Variants in GRM8 observed in about 807,000 individuals in gnomAD.
The protein encoded by GRM8 is glutamate metabotropic receptor 8.
GRM8 carries 47 observed loss-of-function variants against 87.2 expected under a neutral mutation model. The observed-to-expected ratio is 0.54, with a 90% CI of 0.43 to 0.69. The LOEUF (loss-of-function observed/expected upper bound fraction) is 0.69, where lower values mean the gene tolerates loss of function less well. Ranked by LOEUF, GRM8 falls within the 30% of genes least tolerant of loss-of-function variation. The pLI is 0.00. For synonymous variants in GRM8, 396 were observed against 404.5 expected, an observed-to-expected ratio of 0.98 and a Z score of 0.25; for missense variants, 1,019 against 1,139.2, an observed-to-expected ratio of 0.89 and a Z score of 1.52.
chr7:126,742,682 G>A (rs567116354), intron 7 of GRM8, among the ~76,000 whole-genome samples: 37 of 151,828 alleles, frequency 2.4e-4, no homozygotes, highest in South Asian at 1.7e-3. Context: ...ACTTACTCCC[G>A]TAAGACCTGA....
intron 6 of GRM8, among the ~76,000 whole-genome samples, chr7:126,863,186 G>C (rs1050815024): frequency 3.3e-5 from 5 of 151,988 alleles, no homozygotes; most frequent in African/African-American, 1.2e-4. Context: ...TTGTTTGATA[G>C]CTATTTAACT....
chr7:127,133,086 G>A (rs1305100634), intron 2 of GRM8, among the ~76,000 whole-genome samples: 2 of 152,170 alleles, frequency 1.3e-5, no homozygotes, highest in Non-Finnish European at 2.9e-5. Flanking sequence ...CTATAATTGT[G>A]CCTGTTCAGA....
chr7:127,229,211 T>C (rs1192316596), intron 2 of GRM8: 4 of 152,210 alleles, frequency 2.6e-5, no homozygotes, highest in Non-Finnish European at 5.9e-5. Context: ...TCCCAGCATG[T>C]GCTAAACCCA....
At chr7:126,684,632 C>A (rs971869561) in intron 7 of GRM8, among the ~76,000 whole-genome samples, 1 of 152,172 alleles carries the variant, frequency 6.6e-6, no homozygotes, top group African/African-American at 2.4e-5. Context: ...TTGCATCTCT[C>A]CAGCACAGTG....
At chr7:127,102,826 GCACTGC>G (rs968729358) in intron 3 of GRM8, among the ~76,000 whole-genome samples, 24 of 152,262 alleles carry the variant, frequency 1.6e-4, no homozygotes, top group Admixed American at 1.2e-3. Flanking sequence ...CCCAGTGGGG[GCACTGC>G]CAAATGGAGC....
chr7:126,774,647 T>A (rs2151621256), intron 6 of GRM8, among the ~76,000 whole-genome samples: 1 of 152,282 alleles, frequency 6.6e-6, no homozygotes, highest in South Asian at 2.1e-4. Context: ...CTTACTGGTC[T>A]AAGAAATATC....
chr7:126,498,037 C>T (rs548434676), intron 9 of GRM8, among the ~76,000 whole-genome samples: 108 of 151,972 alleles, frequency 7.1e-4, no homozygotes, highest in Admixed American at 2.4e-3. Flanking sequence ...GAAATATCTC[C>T]TAGAGAAGAA....
chr7:127,106,892 C>T (rs1825859571), intron 2 of GRM8, among the ~76,000 whole-genome samples, 180 bp from the exon 3 acceptor site: 1 of 152,206 alleles, frequency 6.6e-6, no homozygotes, highest in Non-Finnish European at 1.5e-5. Context: ...CATAGGCTTA[C>T]TTTCTCTCAA....
chr7:126,977,739 A>G (rs1419716729), intron 3 of GRM8, among the ~76,000 whole-genome samples: 1 of 152,188 alleles, frequency 6.6e-6, no homozygotes, highest in Non-Finnish European at 1.5e-5. Context: ...GAATCATAGA[A>G]TTCTTTTCTG....
At chr7:126,691,616 A>C (rs1808823393) in intron 7 of GRM8, among the ~76,000 whole-genome samples, 1 of 152,184 alleles carries the variant, frequency 6.6e-6, no homozygotes, top group Non-Finnish European at 1.5e-5. Context: ...TTATCATTAG[A>C]GCTGGCCAGA....
intron 2 of GRM8, among the ~76,000 whole-genome samples, chr7:127,176,982 G>C (rs1384672958): frequency 6.6e-6 from 1 of 152,140 alleles, no homozygotes; most frequent in Non-Finnish European, 1.5e-5. Context: ...GTAACAATTT[G>C]AAGGGTGGGA....
chr7:126,937,692 T>C (rs1237884786), intron 3 of GRM8, among the ~76,000 whole-genome samples: 2 of 152,178 alleles, frequency 1.3e-5, no homozygotes, highest in Non-Finnish European at 2.9e-5. Context: ...AAGCGCTAAC[T>C]CCTACTGACT....
intron 8 of GRM8, among the ~76,000 whole-genome samples, chr7:126,601,048 A>G (rs1006270308): frequency 5.3e-5 from 8 of 151,316 alleles, no homozygotes; most frequent in Non-Finnish European, 1.2e-4. Flanking sequence ...GTCATCTAGC[A>G]TTAGGTATAT....
intron 6 of GRM8, among the ~76,000 whole-genome samples, chr7:126,864,755 G>A (rs1798449340): frequency 6.6e-6 from 1 of 151,844 alleles, no homozygotes; most frequent in African/African-American, 2.4e-5. Context: ...TTTTTACTAT[G>A]AGCTGTTGTG....
chr7:126,649,107 G>A (rs56407402), intron 7 of GRM8, among the ~76,000 whole-genome samples: 46,575 of 151,938 alleles, frequency 0.31, 7,962 homozygotes, highest in East Asian at 0.43. Context: ...TATTATAAAT[G>A]TGATAACAGA....
chr7:126,634,779 T>C (rs967961790), intron 7 of GRM8, among the ~76,000 whole-genome samples: 1 of 152,194 alleles, frequency 6.6e-6, no homozygotes. Flanking sequence ...GTTATGAGTA[T>C]ATGGAAATAT....
At chr7:126,615,768 G>T (rs1799423803) in intron 7 of GRM8, among the ~76,000 whole-genome samples, 3 of 152,126 alleles carry the variant, frequency 2.0e-5, no homozygotes. Context: ...AAGATCAAAA[G>T]AGACAAAGAA....
intron 3 of GRM8, among the ~76,000 whole-genome samples, chr7:127,041,597 A>T (rs1171128837): frequency 2.0e-5 from 3 of 152,258 alleles, no homozygotes; most frequent in African/African-American, 4.8e-5. Context: ...GCTGACAGAG[A>T]TTATGTTCTA....
At chr7:127,102,242 GTT>G (rs201754781) in intron 3 of GRM8, among the ~76,000 whole-genome samples, 2,629 of 152,310 alleles carry the variant, frequency 0.017, 26 homozygotes, top group Non-Finnish European at 0.026. Flanking sequence ...GGGTATAAAA[GTT>G]TGGAAAATTT....
Sources: allele counts gnomAD v4.1 joint callset (sites outside exome capture counted in the v4.1 genomes callset), GRCh38; gene constraint gnomAD v4.1.1; transcripts MANE v1.5; gene names NCBI Gene and HGNC (gene_info 2026-07-23, HGNC 2026-07-21).